CERS4: variants seen among roughly 807,000 people sequenced by gnomAD.
CERS4 encodes the protein LAG1 homolog, ceramide synthase 4.
A neutral mutation model predicts 51.8 loss-of-function variants in CERS4; 65 were observed. That is an observed-to-expected ratio of 1.26 (90% confidence interval 1.03 to 1.54). The LOEUF is 1.54. Ranked by LOEUF, CERS4 falls within the 40% of genes most tolerant of loss-of-function variation. CERS4 has a pLI of 0.00. For synonymous variants in CERS4, 228 were observed against 208.4 expected, an observed-to-expected ratio of 1.09 and a Z score of -0.81; for missense variants, 563 against 500.4, an observed-to-expected ratio of 1.13 and a Z score of -1.19.
At chr19:8,235,197 C>A (rs761021952) in intron 2 of CERS4, among the ~76,000 whole-genome samples, 2 of 150,880 alleles carry the variant, frequency 1.3e-5, no homozygotes, top group South Asian at 4.2e-4. Context: ...TTAGTAGAAA[C>A]GGGGTTTCAC....
At chr19:8,251,341 C>T (rs1309823221) in intron 3 of CERS4, 92 bp downstream of exon 3, 6 of 1,458,820 alleles carry the variant, frequency 4.1e-6, no homozygotes, top group South Asian at 1.5e-5. Flanking sequence ...CAGCATGTCC[C>T]GAGTAGAAGC....
chr19:8,213,840 C>T (rs527628600), intron 2 of CERS4, among the ~76,000 whole-genome samples: 4 of 152,108 alleles, frequency 2.6e-5, no homozygotes, highest in Non-Finnish European at 4.4e-5. Context: ...GTGGCATGCT[C>T]CTGTAATCCC....
Position 8,255,843 on chromosome 19 carries a change from G to A in CERS4, c.432G>A (p.Leu144=). 2 of 1,613,986 alleles carry A rather than the reference G, an allele frequency of 1.2e-6. No individual in the cohort carries two copies. The highest frequency in any genetic ancestry group is 2.2e-5 in the South Asian group (2 of 91,084). ...CEASWRFLFY[L]SSFVGGLSVL... Reference sequence around the variant, plus strand: ...ACAGCTGGAGGTTTCTCTTCTACCTGTCCTCCTTCGTGGGCGGCCTCTCGG... The same window carrying A: ...ACAGCTGGAGGTTTCTCTTCTACCTATCCTCCTTCGTGGGCGGCCTCTCGG... Residue 144 remains leucine, a synonymous_variant, in exon 6 of 12, where the codon CTG becomes CTA. Transcript: ENST00000251363.
In CERS4 at chr19:8,251,266, C is replaced by A; in HGVS notation, c.173+17C>A. Reference sequence around the variant, plus strand: ...CTTTGAGAGGTGAGTGTCTGCCCTGCCGCAATCCATTGCCCCCGCAGTCGC... The same window carrying A: ...CTTTGAGAGGTGAGTGTCTGCCCTGACGCAATCCATTGCCCCCGCAGTCGC... On this transcript the variant is annotated intron_variant, in intron 3 of 11. Transcript: ENST00000251363. 3 of 1,567,994 alleles carry A rather than the reference C, an allele frequency of 1.9e-6. No individual in the cohort carries two copies. The highest frequency in any genetic ancestry group is 1.7e-6 in the Non-Finnish European group (2 of 1,158,068).
chr19:8,250,726 A>T, intron 2 of CERS4: 1 of 765,086 alleles, frequency 1.3e-6, no homozygotes, highest in Non-Finnish European at 1.6e-6. Context: ...AAGTGCTGGG[A>T]TTACAGGCGT....
At chr19:8,251,902 C>T (rs756018780) in intron 3 of CERS4, among the ~76,000 whole-genome samples, 2 of 151,718 alleles carry the variant, frequency 1.3e-5, no homozygotes, top group African/African-American at 2.4e-5. Context: ...CAGTTTCAAA[C>T]GCAGGGGTTT....
chr19:8,238,621 G>C, intron 2 of CERS4: 1 of 979,838 alleles, frequency 1.0e-6, no homozygotes, highest in Non-Finnish European at 1.2e-6. Context: ...AGAGTTGGGT[G>C]GGCACCTGCT....
chr19:8,212,109 A>C (rs1428825607), intron 2 of CERS4, among the ~76,000 whole-genome samples: 1 of 152,052 alleles, frequency 6.6e-6, no homozygotes, highest in Non-Finnish European at 1.5e-5. Context: ...TGAAACAACC[A>C]CAAAGCCAGG....
intron 2 of CERS4, among the ~76,000 whole-genome samples, chr19:8,218,584 G>A (rs937527735): frequency 6.6e-6 from 1 of 152,136 alleles, no homozygotes; most frequent in Non-Finnish European, 1.5e-5. Context: ...GGCCTCGAAT[G>A]CCAGGTCAGG....
At chr19:8,215,343 G>T (rs1967253697) in intron 2 of CERS4, among the ~76,000 whole-genome samples, 1 of 152,096 alleles carries the variant, frequency 6.6e-6, no homozygotes, top group African/African-American at 2.4e-5. Flanking sequence ...GCCAGGTGCA[G>T]CGGTGTGTGC....
chr19:8,260,372 T>A (rs1371257350), intron 10 of CERS4, among the ~76,000 whole-genome samples: 2 of 37,302 alleles, frequency 5.4e-5, no homozygotes, highest in East Asian at 7.8e-4. Context: ...TTTTTGTATT[T>A]TTTTTTTTTT....
intron 2 of CERS4, among the ~76,000 whole-genome samples, chr19:8,222,749 C>T (rs551028236): frequency 1.6e-4 from 24 of 151,806 alleles, no homozygotes; most frequent in African/African-American, 5.3e-4. Flanking sequence ...CCACCCGCCT[C>T]GGCCTCCCAA....
rs1355058564 is a variant in CERS4 at position 8,221,871 on chromosome 19, TG to T, written c.-2+11010del. 2.2e-3 allele frequency among the ~76,000 whole-genome samples: 239 copies of T among 108,746 alleles called. 4 individuals are homozygous for T. The highest frequency in any genetic ancestry group is 9.5e-3 in the African/African-American group (230 of 24,130). The allele number at this position is 108,746 out of a possible 152,430, so 71.3% of individuals were successfully genotyped here. A position where few individuals can be genotyped will look rare whatever the true frequency, so the allele number is the denominator to read the frequency against. On this transcript the variant is annotated intron_variant, in intron 2 of 11. Coordinates refer to ENST00000251363, the MANE Select transcript of CERS4 (RefSeq NM_024552.3). The stretch of plus-strand genomic sequence containing the variant: ...ACTTACTGACTTATTTATTTTTTTA[TG>T]TTTTTTTTTTTTTTTTTTTTTTTTT...
intron 2 of CERS4, among the ~76,000 whole-genome samples, chr19:8,238,734 C>G (rs1968383079): frequency 3.3e-5 from 5 of 152,082 alleles, no homozygotes; most frequent in Admixed American, 3.3e-4. Context: ...GGGGAGGAGG[C>G]TGGGGATACC....
intron 2 of CERS4, among the ~76,000 whole-genome samples, chr19:8,228,074 A>G (rs935887886): frequency 5.9e-5 from 9 of 151,872 alleles, no homozygotes; most frequent in Non-Finnish European, 1.0e-4. Context: ...GTTGGCCAGG[A>G]TGGTCTCGAT....
rs902297416 is a variant in CERS4 at position 8,212,678 on chromosome 19, G to A, written c.-2+1816G>A. 4.7e-4 allele frequency among the ~76,000 whole-genome samples: 72 copies of A among 151,738 alleles called. 1 individual carries two copies. The highest frequency in any genetic ancestry group is 1.6e-3 in the African/African-American group (67 of 41,336). On this transcript the variant is annotated intron_variant, in intron 2 of 11. Coordinates refer to ENST00000251363, the MANE Select transcript of CERS4 (RefSeq NM_024552.3). ...TTTGGAATGGAGTTTCGTTCTTGTC[G>A]CCCAGGCTGGAGTGCAATGGTGCGA...
chr19:8,256,142 A>G (rs1206666912), intron 6 of CERS4, 94 bp from the exon 7 acceptor site: 3 of 1,325,976 alleles, frequency 2.3e-6, no homozygotes, highest in East Asian at 5.0e-5. Flanking sequence ...GGTAGCATCT[A>G]TGTGACTGTG....
At position 8,257,875 on chromosome 19, in the gene CERS4, C is replaced by T. The variant is rs2145329815; in HGVS notation, c.742-4C>T. 6.2e-7 allele frequency: 1 copy of T among 1,612,448 alleles called. No homozygotes were observed. The highest frequency in any genetic ancestry group is 1.3e-5 in the African/African-American group (1 of 75,020). On this transcript the variant is annotated splice_polypyrimidine_tract_variant and splice_region_variant and intron_variant, in intron 9 of 11. Transcript: ENST00000251363. ...AGCCCATTTCTCCCTGCTGCCCTTT[C>T]CAGGCCTGTAAGATGGTCAACTACA...
chr19:8,239,421 A>C (rs1209396163), intron 2 of CERS4: 1 of 152,496 alleles, frequency 6.6e-6, no homozygotes, highest in East Asian at 1.9e-4. Flanking sequence ...AGAAAAAGAA[A>C]AAAGAAAAAT....
Sources: gnomAD v4.1 joint callset for allele counts (sites outside exome capture counted in the v4.1 genomes callset) on GRCh38, gnomAD v4.1.1 for gene constraint, MANE v1.5 for transcripts, NCBI Gene and HGNC (gene_info 2026-07-23, HGNC 2026-07-21) for gene names.